The following GRID2 variants were observed in gnomAD, a reference collection of about 807,000 sequenced individuals.
GRID2 encodes glutamate ionotropic receptor delta type subunit 2.
A neutral mutation model predicts 114.8 loss-of-function variants in GRID2; 33 were observed. The ratio of observed to expected loss-of-function variants is 0.29; its 90% CI spans 0.22 to 0.38. The LOEUF is 0.38. Among genes scored for constraint, GRID2 ranks in the 10% least tolerant of loss-of-function variants. The probability of loss-of-function intolerance (pLI) is 1.00; values close to 1 mark genes in which losing one functional copy is unlikely to be tolerated. For missense variants in GRID2, 1,184 were observed against 1,257.7 expected (o/e 0.94, Z 0.89); for synonymous variants, 505 against 449.9 (o/e 1.12, Z -1.55).
chr4:92,610,770 T>C (rs1359373846), intron 2 of GRID2, among the ~76,000 whole-genome samples: 2 of 151,682 alleles, frequency 1.3e-5, no homozygotes, highest in Non-Finnish European at 3.0e-5. Context: ...ATTGTTTCTA[T>C]AGATTAGCCT....
At chr4:92,369,058 A>C (rs891711626) in intron 1 of GRID2, among the ~76,000 whole-genome samples, 1 of 152,116 alleles carries the variant, frequency 6.6e-6, no homozygotes, top group Non-Finnish European at 1.5e-5. Context: ...TCGCCCTAAA[A>C]ATTTGATCAG....
At chr4:93,453,507 T>G (rs932111987) in intron 10 of GRID2, among the ~76,000 whole-genome samples, 3 of 151,818 alleles carry the variant, frequency 2.0e-5, no homozygotes, top group Admixed American at 6.6e-5. Flanking sequence ...TGACAAGTAA[T>G]TGTTAAATTT....
intron 13 of GRID2, among the ~76,000 whole-genome samples, chr4:93,561,502 A>G (rs1734922655): frequency 6.6e-6 from 1 of 152,240 alleles, no homozygotes; most frequent in East Asian, 1.9e-4. Context: ...TCAAAATGGT[A>G]TATTTGTCGT....
intron 3 of GRID2, among the ~76,000 whole-genome samples, chr4:93,104,672 G>A (rs1187305318): frequency 6.6e-6 from 1 of 152,170 alleles, no homozygotes; most frequent in Admixed American, 6.5e-5. Flanking sequence ...ATTCCGTGGT[G>A]TATATGTGTC....
intron 1 of GRID2, among the ~76,000 whole-genome samples, chr4:92,391,672 A>C (rs529704473): frequency 6.6e-6 from 1 of 152,308 alleles, no homozygotes; most frequent in East Asian, 1.9e-4. Flanking sequence ...GATTACACGT[A>C]TAGGTAAAAA....
At chr4:93,330,462 C>A (rs889300708) in intron 8 of GRID2, among the ~76,000 whole-genome samples, 1 of 152,122 alleles carries the variant, frequency 6.6e-6, no homozygotes, top group African/African-American at 2.4e-5. Context: ...TTGCTACATA[C>A]ATGTATTGAA....
At chr4:92,918,590 C>G (rs1201619438) in intron 2 of GRID2, among the ~76,000 whole-genome samples, 3 of 152,094 alleles carry the variant, frequency 2.0e-5, no homozygotes, top group African/African-American at 4.8e-5. Context: ...AAAGGCCTTT[C>G]TGCATCTATT....
chr4:92,374,761 C>A (rs1446158138), intron 1 of GRID2, among the ~76,000 whole-genome samples: 2 of 152,102 alleles, frequency 1.3e-5, no homozygotes, highest in East Asian at 1.9e-4. Flanking sequence ...TCTACAAGCA[C>A]ATTTTTAATA....
intron 1 of GRID2, among the ~76,000 whole-genome samples, chr4:92,314,163 C>T (rs1211926699): frequency 1.3e-5 from 2 of 151,818 alleles, no homozygotes; most frequent in South Asian, 2.1e-4. Context: ...TGAAATTAAC[C>T]TGAGAGACAA....
chr4:93,456,188 A>C (rs1208795621), intron 11 of GRID2, among the ~76,000 whole-genome samples: 1 of 152,164 alleles, frequency 6.6e-6, no homozygotes, highest in East Asian at 1.9e-4. Flanking sequence ...CTTTTGATGT[A>C]AGTTTAATTT....
At chr4:92,775,671 C>T (rs1426481286) in intron 2 of GRID2, among the ~76,000 whole-genome samples, 1 of 152,094 alleles carries the variant, frequency 6.6e-6, no homozygotes, top group Admixed American at 6.6e-5. Flanking sequence ...CAGAAAAATA[C>T]CTAGACTACC....
In GRID2 at chr4:92,437,748, A is replaced by G. The variant is rs1026244245; in HGVS notation, c.88+133004A>G. On this transcript the variant is annotated intron_variant, in intron 1 of 15. Coordinates refer to ENST00000282020, the MANE Select transcript of GRID2 (RefSeq NM_001510.4). The stretch of plus-strand genomic sequence containing the variant: ...ACACATTTAATACTTCCTTCTTTCT[A>G]TATTACATCTACATGGCAACTTGTG... Among the ~76,000 whole-genome samples, 5 of 152,316 alleles carry G rather than the reference A, an allele frequency of 3.3e-5. No individual in the cohort carries two copies. The South Asian group carries it at 1.0e-3, about 32-fold the overall frequency.
chr4:92,924,954 T>G (rs1472712238), intron 2 of GRID2, among the ~76,000 whole-genome samples: 1 of 152,096 alleles, frequency 6.6e-6, no homozygotes, highest in African/African-American at 2.4e-5. Context: ...TCCTATCTTC[T>G]TTACCTGAGA....
At chr4:93,782,037 G>A (rs752577477) in intron 1 of GRID2, among the ~76,000 whole-genome samples, 3 of 152,108 alleles carry the variant, frequency 2.0e-5, no homozygotes, top group East Asian at 1.9e-4. Flanking sequence ...GTAGTTCTCC[G>A]CTGGTTCTTC....
At chr4:93,070,861 A>G (rs1406913743) in intron 2 of GRID2, among the ~76,000 whole-genome samples, 1 of 152,090 alleles carries the variant, frequency 6.6e-6, no homozygotes, top group African/African-American at 2.4e-5. Context: ...TCACTACTAT[A>G]AAAGCTTTTG....
At chr4:92,493,848 A>G (rs1723264119) in intron 1 of GRID2, among the ~76,000 whole-genome samples, 1 of 152,186 alleles carries the variant, frequency 6.6e-6, no homozygotes. Context: ...ATATAAAGCA[A>G]TCAGTTAAAC....
chr4:92,408,163 G>A (rs749779651), intron 1 of GRID2, among the ~76,000 whole-genome samples: 45 of 151,976 alleles, frequency 3.0e-4, no homozygotes, highest in Non-Finnish European at 5.9e-5. Flanking sequence ...GCTGCATATG[G>A]CTAGCCATTT....
At chr4:93,792,871 G>A (rs1001496673) in intron 1 of GRID2, among the ~76,000 whole-genome samples, 9 of 152,278 alleles carry the variant, frequency 5.9e-5, no homozygotes, top group Admixed American at 5.9e-4. Flanking sequence ...GTTTGTGAGT[G>A]CCAGCTGGAG....
chr4:93,257,991 TATATATATAC>T (rs1188243335), intron 8 of GRID2, among the ~76,000 whole-genome samples: 854 of 22,222 alleles, frequency 0.038, 7 homozygotes, highest in African/African-American at 0.13. Context: ...TATATATATA[TATATATATAC>T]ACACACACAC....
Sources: allele counts gnomAD v4.1 joint callset (sites outside exome capture counted in the v4.1 genomes callset), GRCh38; gene constraint gnomAD v4.1.1; transcripts MANE v1.5; gene names NCBI Gene and HGNC (gene_info 2026-07-23, HGNC 2026-07-21).